The following HOPX variants were observed in gnomAD, a reference collection of about 807,000 sequenced individuals.
The protein encoded by HOPX is HOP homeobox.
A neutral mutation model predicts 11.8 loss-of-function variants in HOPX; 5 were observed. The observed-to-expected ratio is 0.43, with a 90% CI of 0.22 to 0.89. The LOEUF (loss-of-function observed/expected upper bound fraction) is 0.89. Among genes scored for constraint, HOPX ranks in the 40% least tolerant of loss-of-function variants. HOPX has a pLI of 0.28. For missense variants in HOPX, 119 were observed against 120.0 expected (o/e 0.99, Z 0.04); for synonymous variants, 49 against 49.7 (o/e 0.99, Z 0.06).
At chr4:56,666,581 A>C (rs1718454034) in intron 1 of HOPX, among the ~76,000 whole-genome samples, 1 of 152,210 alleles carries the variant, frequency 6.6e-6, no homozygotes, top group African/African-American at 2.4e-5. Context: ...TCGTGTTCTA[A>C]TCTTGTATGT....
chr4:56,669,150 G>A (rs868711907), intron 1 of HOPX, among the ~76,000 whole-genome samples: 30 of 152,306 alleles, frequency 2.0e-4, no homozygotes, highest in Admixed American at 1.4e-3. Flanking sequence ...GGTTTTAAGT[G>A]ATCATGTTCT....
chr4:56,677,882 A>G (rs1332250826), intron 1 of HOPX, among the ~76,000 whole-genome samples: 2 of 151,726 alleles, frequency 1.3e-5, no homozygotes, highest in African/African-American at 4.9e-5. Flanking sequence ...TTCTTGAAAG[A>G]ACAACTTGGC....
intron 1 of HOPX, among the ~76,000 whole-genome samples, chr4:56,658,393 G>A (rs1717911258): frequency 6.6e-6 from 1 of 152,156 alleles, no homozygotes; most frequent in Admixed American, 6.5e-5. Context: ...AACTCCTTGG[G>A]TTAGTTGGCT....
chr4:56,654,847 T>C (rs147573125), intron 3 of HOPX, among the ~76,000 whole-genome samples: 2 of 152,304 alleles, frequency 1.3e-5, no homozygotes, highest in East Asian at 3.9e-4. Flanking sequence ...ATAATGTCTC[T>C]GCTTTAGAGT....
intron 3 of HOPX, among the ~76,000 whole-genome samples, chr4:56,651,476 C>T (rs150224523): frequency 6.6e-6 from 1 of 152,282 alleles, no homozygotes; most frequent in Non-Finnish European, 1.5e-5. Context: ...CTGGCTTTAT[C>T]CTTCTCTTCT....
chr4:56,676,213 G>T (rs988869527), intron 1 of HOPX, among the ~76,000 whole-genome samples: 4 of 151,558 alleles, frequency 2.6e-5, no homozygotes, highest in African/African-American at 7.3e-5. Context: ...TGGGAGGATT[G>T]CTTGAGCCTG....
At chr4:56,675,270 C>G (rs1718949487) in intron 1 of HOPX, among the ~76,000 whole-genome samples, 1 of 151,544 alleles carries the variant, frequency 6.6e-6, no homozygotes. Flanking sequence ...CTGGGGCTGA[C>G]TGGGTTCAAG....
chr4:56,680,212 G>A (rs1719256230), intron 1 of HOPX: 1 of 152,160 alleles, frequency 6.6e-6, no homozygotes, highest in East Asian at 1.9e-4. Flanking sequence ...GTGTGGGTTG[G>A]GGTGTGGGGT....
At chr4:56,678,749 G>C (rs1299228632) in intron 1 of HOPX, 1 of 151,966 alleles carries the variant, frequency 6.6e-6, no homozygotes, top group East Asian at 1.9e-4. Flanking sequence ...CCCTGCCCCA[G>C]TCACTGATTT....
intron 3 of HOPX, among the ~76,000 whole-genome samples, chr4:56,654,619 G>T (rs1328965545): frequency 2.0e-5 from 3 of 152,186 alleles, no homozygotes. Context: ...AAATAGATAT[G>T]TTTGCCTTTC....
At chr4:56,657,189 C>T (rs1717806675) in intron 2 of HOPX, among the ~76,000 whole-genome samples, 1 of 152,134 alleles carries the variant, frequency 6.6e-6, no homozygotes, top group South Asian at 2.1e-4. Context: ...CCACCTCCTC[C>T]TGCTAATTTA....
chr4:56,675,021 C>A (rs1718937673), intron 1 of HOPX, among the ~76,000 whole-genome samples: 1 of 151,368 alleles, frequency 6.6e-6, no homozygotes, highest in African/African-American at 2.5e-5. Context: ...GCCCAGCCAA[C>A]TTCTCTACAT....
chr4:56,653,702 G>T (rs1034054801), intron 3 of HOPX, among the ~76,000 whole-genome samples: 1 of 152,148 alleles, frequency 6.6e-6, no homozygotes, highest in Non-Finnish European at 1.5e-5. Context: ...AGGAAGCCAG[G>T]GGCCCTGCTA....
chr4:56,674,483 C>T (rs1369715710), intron 1 of HOPX, among the ~76,000 whole-genome samples: 3 of 151,648 alleles, frequency 2.0e-5, no homozygotes, highest in Non-Finnish European at 2.9e-5. Flanking sequence ...AAATTTTCCT[C>T]ATGATCCTAG....
At chr4:56,651,818 G>T (rs1308312653) in intron 3 of HOPX, among the ~76,000 whole-genome samples, 2 of 151,692 alleles carry the variant, frequency 1.3e-5, no homozygotes, top group African/African-American at 4.8e-5. Context: ...ACCAATTCCA[G>T]TTACATTGTG....
rs974574991 is a variant in HOPX at position 56,648,448 on chromosome 4, C to T, written c.*272G>A. On this transcript the variant is annotated 3_prime_UTR_variant, in exon 4 of 4. Coordinates refer to ENST00000420433, the MANE Select transcript of HOPX (RefSeq NM_032495.6). ...AAGCAAACTTAGATGGTTTTCACAC[C>T]ATCTGTCATCATGACTCAAAGGGAA... 2 of 335,882 alleles carry T rather than the reference C, an allele frequency of 6.0e-6. No individual in the cohort carries two copies. Among genetic ancestry groups the T allele is most frequent in the South Asian group, 3.0e-4 (2 of 6,694 alleles). The allele number at this position is 335,882 out of a possible 1,614,324, so 20.8% of individuals were successfully genotyped here.
At chr4:56,675,223 G>A (rs989071936) in intron 1 of HOPX, among the ~76,000 whole-genome samples, 22 of 151,556 alleles carry the variant, frequency 1.5e-4, no homozygotes, top group Admixed American at 1.2e-3. Flanking sequence ...GAGTCACGGG[G>A]AGAGTAAATG....
In HOPX at chr4:56,655,852, C is replaced by T; in HGVS notation, c.198+5G>A. ...GGGGCGCGCTGGGCGCGTGTGGGGA[C>T]GCACCTGGGTCTCCTCCTCGGAAAG... is the stretch of plus-strand genomic sequence containing the variant. On this transcript the variant is annotated splice_donor_5th_base_variant and intron_variant, in intron 3 of 3. Coordinates refer to ENST00000420433, the MANE Select transcript of HOPX (RefSeq NM_032495.6). 1 of 1,609,946 alleles carries T rather than the reference C, an allele frequency of 6.2e-7. No individual in the cohort carries two copies. Among genetic ancestry groups the T allele is most frequent in the South Asian group, 1.1e-5 (1 of 90,156 alleles).
At chr4:56,665,901 T>G (rs1386098550) in intron 1 of HOPX, among the ~76,000 whole-genome samples, 1 of 152,140 alleles carries the variant, frequency 6.6e-6, no homozygotes, top group Non-Finnish European at 1.5e-5. Flanking sequence ...CACTACACCA[T>G]CTTTCCTCTT....
Sources: gnomAD v4.1 joint callset for allele counts (sites outside exome capture counted in the v4.1 genomes callset) on GRCh38, gnomAD v4.1.1 for gene constraint, MANE v1.5 for transcripts, NCBI Gene and HGNC (gene_info 2026-07-23, HGNC 2026-07-21) for gene names.